The following ZNF549 variants were observed in gnomAD, a reference collection of about 807,000 sequenced individuals.
The protein encoded by ZNF549 is zinc finger protein 549.
A neutral mutation model predicts 11.1 loss-of-function variants in ZNF549; 11 were observed. That is an observed-to-expected ratio of 0.99 (90% CI 0.62 to 1.64). The LOEUF is 1.64. Among genes scored for constraint, ZNF549 ranks in the 40% most tolerant of loss-of-function variants. The pLI is 0.00. For missense variants in ZNF549, 748 were observed against 765.1 expected, an observed-to-expected ratio of 0.98 and a Z score of 0.26; for synonymous variants, 266 against 269.1, an observed-to-expected ratio of 0.99 and a Z score of 0.11.
chr19:57,536,201 C>T (rs942223094), intron 3 of ZNF549, among the ~76,000 whole-genome samples: 1 of 152,180 alleles, frequency 6.6e-6, no homozygotes, highest in African/African-American at 2.4e-5. Flanking sequence ...AGATGTTCCT[C>T]AGCTCGTGAT....
intron 2 of ZNF549, 34 bp downstream of exon 2, chr19:57,531,142 C>G: frequency 6.3e-7 from 1 of 1,596,556 alleles, no homozygotes; most frequent in Non-Finnish European, 8.5e-7. Context: ...TTCACTGGCC[C>G]TGTTCCCTAA....
intron 2 of ZNF549, among the ~76,000 whole-genome samples, chr19:57,533,657 A>G (rs1304027545): frequency 6.6e-6 from 1 of 152,188 alleles, no homozygotes; most frequent in Admixed American, 6.5e-5. Flanking sequence ...CAGACCTTCC[A>G]GCAATTTATG....
Position 57,538,649 on chromosome 19 carries a change from A to G in ZNF549, c.1645A>G (p.Lys549Glu), listed in dbSNP as rs755721704. The G allele has an allele frequency of 1.2e-6, 2 of 1,614,248 alleles. No individual in the cohort carries two copies. The highest frequency in any genetic ancestry group is 2.2e-5 in the South Asian group (2 of 91,092). ...CCAAAAAAGACTTCTTGAGCACCAG[A>G]AAGTTCACACTGGCGAAAAGCCCTG... ...SHQKRLLEHQ[K>E]VHTGEKPCEC... Residue 549 changes from lysine to glutamate, a missense_variant, in exon 4 of 4, where the codon AAA becomes GAA. Coordinates refer to ENST00000376233, the MANE Select transcript of ZNF549 (RefSeq NM_001199295.2).
In ZNF549 at chr19:57,527,414, G is replaced by A. The variant is rs1600162039; in HGVS notation, c.-160G>A. 2.8e-6 allele frequency: 3 copies of A among 1,058,688 alleles called. No individual in the cohort carries two copies. The highest frequency in any genetic ancestry group is 4.2e-6 in the Non-Finnish European group (3 of 714,152). The allele number at this position is 1,058,688 out of a possible 1,614,324, so 65.6% of individuals were successfully genotyped here. On this transcript the variant is annotated 5_prime_UTR_variant, in exon 1 of 4. Transcript: ENST00000376233. ...GGCGTTTCCGGCTCGCTGGGTCCGGGCCAGGTAACTGGAGCCGGAAACCGG... is the reference window on the plus strand; with the variant it reads ...GGCGTTTCCGGCTCGCTGGGTCCGGACCAGGTAACTGGAGCCGGAAACCGG...
Position 57,538,709 on chromosome 19 carries a change from C to T in ZNF549, c.1705C>T (p.Arg569Cys), listed in dbSNP as rs180734719. ...CSECGKCFRHRTSLIQHQKVH... is the reference protein window; with the variant it reads ...CSECGKCFRHCTSLIQHQKVH... ...TGAATGTGGGAAATGCTTTAGACACCGCACCAGCCTCATTCAACACCAGAA... is the reference window on the plus strand; with the variant it reads ...TGAATGTGGGAAATGCTTTAGACACTGCACCAGCCTCATTCAACACCAGAA... The change falls in exon 4 of 4, where the codon CGC becomes TGC. Residue 569 changes from arginine (R) to cysteine (C), a missense_variant. By Grantham distance (180) the Arg-to-Cys change is radical. Coordinates refer to ENST00000376233, the MANE Select transcript of ZNF549 (RefSeq NM_001199295.2). 3.2e-5 allele frequency: 52 copies of T among 1,614,076 alleles called. No homozygotes were observed. The highest frequency in any genetic ancestry group is 2.1e-4 in the African/African-American group (16 of 75,010).
chr19:57,530,361 C>G (rs970619888), intron 1 of ZNF549, among the ~76,000 whole-genome samples: 1 of 152,214 alleles, frequency 6.6e-6, no homozygotes, highest in Non-Finnish European at 1.5e-5. Context: ...CTTACCCCCT[C>G]TCCCAGTACC....
At chr19:57,528,439 C>A (rs137991714) in intron 1 of ZNF549, among the ~76,000 whole-genome samples, 113 of 152,246 alleles carry the variant, frequency 7.4e-4, no homozygotes, top group African/African-American at 2.7e-3. Flanking sequence ...TGGAGACAGG[C>A]TGGGGCGTAG....
intron 1 of ZNF549, 71 bp downstream of exon 1, chr19:57,527,677 T>C (rs2089884540): frequency 1.3e-6 from 2 of 1,563,856 alleles, no homozygotes; most frequent in Admixed American, 3.6e-5. Flanking sequence ...CGTGGGTCTC[T>C]GCAGTTCAGG....
At position 57,537,604 on chromosome 19, in the gene ZNF549, C is replaced by G; in HGVS notation, c.600C>G (p.His200Gln). 6.2e-7 allele frequency: 1 copy of G among 1,614,202 alleles called. No homozygotes were observed. Residue 200 changes from histidine (H) to glutamine (Q), a missense_variant, in exon 4 of 4, where the codon CAC becomes CAG. Transcript: ENST00000376233. ...DFPTILGLLQ[H>Q]QTTHSRQEYA... Reference sequence around the variant, plus strand: ...CAACCATCCTGGGCCTTCTCCAACACCAGACCACCCACAGCAGACAAGAGT... The same window carrying G: ...CAACCATCCTGGGCCTTCTCCAACAGCAGACCACCCACAGCAGACAAGAGT...
Position 57,540,629 on chromosome 19 carries a change from G to T in ZNF549, c.*1702G>T, listed in dbSNP as rs1386692075. 6.6e-6 allele frequency: 1 copy of T among 152,114 alleles called. No individual in the cohort carries two copies. Among genetic ancestry groups the T allele is most frequent in the Non-Finnish European group, 1.5e-5 (1 of 68,046 alleles). 9.4% of individuals were successfully genotyped at this position (152,114 alleles called of 1,614,324 possible). A position where few individuals can be genotyped will look rare whatever the true frequency, so the allele number is the denominator to read the frequency against. On this transcript the variant is annotated 3_prime_UTR_variant, in exon 4 of 4. Coordinates refer to ENST00000376233, the MANE Select transcript of ZNF549 (RefSeq NM_001199295.2). ...ACAAAAATTAGCCAGGCGTGGTGGC[G>T]TGCATTTGTAATCCCAGCTACACAG...
Position 57,535,171 on chromosome 19 carries a change from G to T in ZNF549, c.100G>T (p.Val34Leu), listed in dbSNP as rs1243697775. 1.2e-6 allele frequency: 2 copies of T among 1,614,118 alleles called. No homozygotes were observed. Among genetic ancestry groups the T allele is most frequent in the South Asian group, 2.2e-5 (2 of 91,082 alleles). Residue 34 changes from valine (V) to leucine (L), a missense_variant, in exon 3 of 4, where the codon GTG becomes TTG. Transcript: ENST00000376233. ...QGHVTFEDIA[V>L]YFSQEEWGLL... ...CCATGTGACCTTTGAGGATATTGCT[G>T]TGTACTTCTCCCAGGAGGAGTGGGG...
chr19:57,530,152 A>T (rs2089898040), intron 1 of ZNF549, among the ~76,000 whole-genome samples: 1 of 152,220 alleles, frequency 6.6e-6, no homozygotes, highest in Admixed American at 6.5e-5. Flanking sequence ...AGATAGCCTC[A>T]GAGTGGAGTC....
Position 57,538,786 on chromosome 19 carries a change from T to C in ZNF549, c.1782T>C (p.Phe594=), listed in dbSNP as rs1212337304. The C allele has an allele frequency of 1.2e-6, 2 of 1,614,134 alleles. No individual in the cohort carries two copies. The highest frequency in any genetic ancestry group is 1.7e-5 in the Admixed American group (1 of 60,016). Residue 594 remains phenylalanine (F), a synonymous_variant, in exon 4 of 4, where the codon TTT becomes TTC. Coordinates refer to ENST00000376233, the MANE Select transcript of ZNF549 (RefSeq NM_001199295.2). ...ACTGCACTGCATGTGAGAAGGCCTT[T>C]ATCTATAAAAACAAACTTGTTGAGC... is the stretch of plus-strand genomic sequence containing the variant. ...PYNCTACEKA[F]IYKNKLVEHQ...
At position 57,538,162 on chromosome 19, in the gene ZNF549, A is replaced by G. The variant is rs2123318269; in HGVS notation, c.1158A>G (p.Glu386=). The G allele has an allele frequency of 6.2e-7, 1 of 1,614,216 alleles. No homozygotes were observed. Residue 386 remains glutamate (E), a synonymous_variant, in exon 4 of 4, where the codon GAA becomes GAG. Coordinates refer to ENST00000376233, the MANE Select transcript of ZNF549 (RefSeq NM_001199295.2). ...RIRHQRVHTG[E]GAYQCSECGK... ...GACACCAGAGAGTTCACACTGGAGA[A>G]GGGGCTTATCAGTGCAGTGAATGTG... is the stretch of plus-strand genomic sequence containing the variant.
At position 57,538,301 on chromosome 19, in the gene ZNF549, C is replaced by G; in HGVS notation, c.1297C>G (p.Leu433Val). Residue 433 changes from leucine (L) to valine (V), a missense_variant, in exon 4 of 4, where the codon CTT (leucine) becomes GTT (valine). By Grantham distance (32) the Leu-to-Val change is conservative. Transcript: ENST00000376233. ...GKAFIHKKRL[L>V]EHQRIHTGEK... ...GGCCTTCATTCACAAAAAAAGACTT[C>G]TTGAGCACCAGAGAATTCATACTGG... is the stretch of plus-strand genomic sequence containing the variant. 1 of 1,612,988 alleles carries G rather than the reference C, an allele frequency of 6.2e-7. No homozygotes were observed. The highest frequency in any genetic ancestry group is 8.5e-7 in the Non-Finnish European group (1 of 1,179,734).
intron 1 of ZNF549, among the ~76,000 whole-genome samples, chr19:57,528,928 A>G (rs1340378986): frequency 1.3e-5 from 2 of 152,210 alleles, no homozygotes; most frequent in Non-Finnish European, 2.9e-5. Flanking sequence ...AAATCGTTGT[A>G]ATTTCCTCAG....
chr19:57,529,275 C>T (rs761539045), intron 1 of ZNF549, among the ~76,000 whole-genome samples: 4 of 152,084 alleles, frequency 2.6e-5, no homozygotes, highest in African/African-American at 4.8e-5. Flanking sequence ...AGAACCCCAG[C>T]GGAGGCTTGA....
intron 1 of ZNF549, 106 bp from the exon 2 acceptor site, chr19:57,530,964 A>C: frequency 2.9e-6 from 3 of 1,048,446 alleles, no homozygotes; most frequent in Non-Finnish European, 4.3e-6. Flanking sequence ...AGGCAACCTC[A>C]GAGAGGTTAG....
chr19:57,531,317 G>C (rs1568588887), intron 2 of ZNF549, among the ~76,000 whole-genome samples: 1 of 152,204 alleles, frequency 6.6e-6, no homozygotes, highest in Non-Finnish European at 1.5e-5. Flanking sequence ...AGTGATGAAA[G>C]GTTTCCTGGG....
Sources: allele counts gnomAD v4.1 joint callset (sites outside exome capture counted in the v4.1 genomes callset), GRCh38; gene constraint gnomAD v4.1.1; transcripts MANE v1.5; gene names NCBI Gene and HGNC (gene_info 2026-07-23, HGNC 2026-07-21).